The following RYR2 variants were observed in gnomAD, a reference collection of about 807,000 sequenced individuals.
The protein encoded by RYR2 is cardiac muscle ryanodine receptor-calcium release channel.
In RYR2, 227 loss-of-function variants were observed where a neutral mutation model predicts 601.1. The ratio of observed to expected loss-of-function variants is 0.38; its 90% confidence interval spans 0.34 to 0.42. RYR2 has a LOEUF of 0.42. RYR2 is among the 10% of genes least tolerant of loss of function. The pLI is 1.00. For missense variants in RYR2, 4,646 were observed against 6,156.5 expected, an observed-to-expected ratio of 0.75 and a Z score of 8.21; for synonymous variants, 2,223 against 2,175.1, an observed-to-expected ratio of 1.02 and a Z score of -0.61.
chr1:237,196,126 A>G (rs1680535408), intron 1 of RYR2, among the ~76,000 whole-genome samples: 1 of 152,196 alleles, frequency 6.6e-6, no homozygotes, highest in Admixed American at 6.5e-5. Context: ...CTTAAGAAAC[A>G]ACTGAGTATA....
chr1:237,594,900 T>TGG (rs1417001764), intron 33 of RYR2, among the ~76,000 whole-genome samples: 7 of 23,370 alleles, frequency 3.0e-4, no homozygotes, highest in African/African-American at 4.7e-4. Flanking sequence ...TTTTTTTTTT[T>TGG]TTTTTTTTTT....
At chr1:237,790,735 A>AT (rs1298345918) in intron 92 of RYR2, among the ~76,000 whole-genome samples, 1 of 152,140 alleles carries the variant, frequency 6.6e-6, no homozygotes, top group Non-Finnish European at 1.5e-5. Context: ...TACAGAAAAG[A>AT]TTAAGTCATT....
At chr1:237,555,992 T>C (rs1670837614) in intron 27 of RYR2, among the ~76,000 whole-genome samples, 1 of 152,190 alleles carries the variant, frequency 6.6e-6, no homozygotes, top group Non-Finnish European at 1.5e-5. Context: ...TGACACATGA[T>C]ACATTTGCTT....
intron 2 of RYR2, among the ~76,000 whole-genome samples, chr1:237,305,967 A>C (rs1693820161): frequency 6.6e-6 from 1 of 152,234 alleles, no homozygotes; most frequent in Admixed American, 6.5e-5. Flanking sequence ...ATGAGGGCCT[A>C]GAAGATGTTG....
At chr1:237,681,318 C>T (rs1294087952) in intron 62 of RYR2, among the ~76,000 whole-genome samples, 2 of 152,182 alleles carry the variant, frequency 1.3e-5, no homozygotes, top group Non-Finnish European at 1.5e-5. Context: ...TTTCCTTGGA[C>T]TTGACGTCGA....
In RYR2 at chr1:237,709,034, A is replaced by G. The variant is rs772763388; in HGVS notation, c.10078A>G (p.Thr3360Ala). 1.9e-6 allele frequency: 3 copies of G among 1,612,198 alleles called. No homozygotes were observed. The Admixed American group carries it at 5.0e-5, about 27-fold the overall frequency. ...EAELLILDEF[T>A]TLARDLYAFY... ...AGAACTCCTCATCCTAGATGAGTTC[A>G]CCACACTGGCCAGAGATCTCTATGC... is the stretch of plus-strand genomic sequence containing the variant. The change falls in exon 69 of 105, where the codon ACC becomes GCC. Residue 3360 changes from threonine to alanine, a missense_variant. Thr to Ala is a moderately conservative substitution (Grantham distance 58). Transcript: ENST00000366574.
intron 100 of RYR2, among the ~76,000 whole-genome samples, chr1:237,812,229 T>A (rs766208708): frequency 2.0e-5 from 3 of 152,220 alleles, no homozygotes; most frequent in African/African-American, 7.2e-5. Context: ...TAAGTTACAC[T>A]ACCTCACAGA....
chr1:237,247,576 A>T (rs1686983896), intron 1 of RYR2, among the ~76,000 whole-genome samples: 1 of 152,172 alleles, frequency 6.6e-6, no homozygotes, highest in Non-Finnish European at 1.5e-5. Context: ...TAGATTGATT[A>T]AGAAAAGGGG....
rs1024272 is a variant in RYR2 at position 237,156,924 on chromosome 1, C to T, written c.49-113573C>T. On this transcript the variant is annotated intron_variant, in intron 1 of 104. Transcript: ENST00000366574. ...GGAGGCAGAGAAAGGGGAATGCTTG[C>T]GCACTGTTGGTGGCAGTGTAAAGTA... Among the ~76,000 whole-genome samples the T allele has an allele frequency of 8.9e-3, 1,348 of 152,060 alleles. 19 individuals are homozygous for T. The highest frequency in any genetic ancestry group is 0.03 in the African/African-American group (1,227 of 41,456).
intron 29 of RYR2, among the ~76,000 whole-genome samples, chr1:237,585,590 A>G (rs978180001): frequency 1.3e-5 from 2 of 152,160 alleles, no homozygotes; most frequent in African/African-American, 4.8e-5. Flanking sequence ...CTTGCTGTGT[A>G]TAGGCTAATT....
chr1:237,461,300 G>T (rs1167863973), intron 16 of RYR2, among the ~76,000 whole-genome samples: 1 of 152,132 alleles, frequency 6.6e-6, no homozygotes, highest in African/African-American at 2.4e-5. Context: ...AAAATTTGTG[G>T]TTAATCTCTT....
At chr1:237,555,304 G>A (rs1183704931) in intron 27 of RYR2, 1 of 152,072 alleles carries the variant, frequency 6.6e-6, no homozygotes, top group African/African-American at 2.4e-5. Context: ...CAAAAGAAGG[G>A]TGTAATAATC....
At position 237,576,439 on chromosome 1, in the gene RYR2, A is replaced by C. The variant is rs532658258; in HGVS notation, c.3598+7120A>C. Among the ~76,000 whole-genome samples, 20 of 152,300 alleles carry C rather than the reference A, an allele frequency of 1.3e-4. No individual in the cohort carries two copies. In the South Asian group the frequency reaches 4.1e-3, roughly 32 times the overall value. ...ATGGCATAAAGTAGAGATGCCAGAA[A>C]CATAGAACTGATATAGAAACAGATG... On this transcript the variant is annotated intron_variant, in intron 29 of 104. Transcript: ENST00000366574.
At chr1:237,623,359 G>GTTTCTTTCTTTGTTTGTTTGTTTC (rs1679268888) in intron 38 of RYR2, among the ~76,000 whole-genome samples, 2 of 48,952 alleles carry the variant, frequency 4.1e-5, no homozygotes, top group South Asian at 7.6e-4. Flanking sequence ...GCCTTTCTTT[G>GTTTCTTTCTTTGTTTGTTTGTTTC]TTTCTTTCTT....
intron 33 of RYR2, among the ~76,000 whole-genome samples, chr1:237,594,885 G>GGTTTTTTTTGTTTTTT (rs773047111): frequency 3.8e-5 from 3 of 79,048 alleles, no homozygotes; most frequent in East Asian, 4.7e-4. Flanking sequence ...AATATCACTG[G>GGTTTTTTTTGTTTTTT]GTTTTTTTTT....
intron 48 of RYR2, among the ~76,000 whole-genome samples, chr1:237,647,927 G>A (rs1682345404): frequency 6.6e-6 from 1 of 152,134 alleles, no homozygotes. Flanking sequence ...CACGTTAAAT[G>A]CTATTATGAT....
At chr1:237,237,018 G>C (rs953839860) in intron 1 of RYR2, among the ~76,000 whole-genome samples, 1 of 152,108 alleles carries the variant, frequency 6.6e-6, no homozygotes, top group East Asian at 1.9e-4. Context: ...ATAATGATAT[G>C]AGTGAGTGCC....
At chr1:237,486,223 G>T (rs182095183) in intron 17 of RYR2, among the ~76,000 whole-genome samples, 10 of 152,240 alleles carry the variant, frequency 6.6e-5, no homozygotes, top group African/African-American at 2.4e-4. Context: ...TTAGTTGGGG[G>T]TACTTAGAGA....
At chr1:237,671,810 C>A (rs1684971530) in intron 58 of RYR2, among the ~76,000 whole-genome samples, 1 of 151,884 alleles carries the variant, frequency 6.6e-6, no homozygotes, top group Non-Finnish European at 1.5e-5. Context: ...GAGTGTAAGT[C>A]CAAAAAGTAT....
Sources: allele counts gnomAD v4.1 joint callset (sites outside exome capture counted in the v4.1 genomes callset), GRCh38; gene constraint gnomAD v4.1.1; transcripts MANE v1.5; gene names NCBI Gene and HGNC (gene_info 2026-07-23, HGNC 2026-07-21).